ATP1A4: variants seen among roughly 807,000 people sequenced by gnomAD.
ATP1A4 encodes ATPase Na+/K+ transporting subunit alpha 4.
Under a neutral mutation model 114.3 loss-of-function variants are expected in ATP1A4, and 90 were observed. The observed-to-expected ratio is 0.79, with a 90% CI of 0.66 to 0.94. The LOEUF (loss-of-function observed/expected upper bound fraction) is 0.94, where lower values mean the gene tolerates loss of function less well. ATP1A4 is among the 40% of genes least tolerant of loss of function. ATP1A4 has a pLI of 0.00. For synonymous variants in ATP1A4, 511 were observed against 494.1 expected (o/e 1.03, Z -0.45); for missense variants, 1,222 against 1,313.6 (o/e 0.93, Z 1.08).
At chr1:160,164,473 G>A in intron 7 of ATP1A4, 49 bp downstream of exon 7, 1 of 1,594,846 alleles carries the variant, frequency 6.3e-7, no homozygotes. Flanking sequence ...AACCACCCCA[G>A]GGAAAAGGGA....
At position 160,177,456 on chromosome 1, in the gene ATP1A4, G is replaced by A. The variant is rs537800870; in HGVS notation, c.2591-63G>A. 13 of 1,585,734 alleles carry A rather than the reference G, an allele frequency of 8.2e-6. No homozygotes were observed. In the African/African-American group the frequency reaches 1.7e-4, roughly 21 times the overall value. On this transcript the variant is annotated intron_variant, in intron 17 of 21. Transcript: ENST00000368081. ...AGTCCCAGCCCCCAGCCCTCCCCTGGCCTACCTTTTGGGGCCCTTCTCTGA... is the reference window on the plus strand; with the variant it reads ...AGTCCCAGCCCCCAGCCCTCCCCTGACCTACCTTTTGGGGCCCTTCTCTGA...
chr1:160,159,379 C>T, intron 5 of ATP1A4, 30 bp from the exon 6 acceptor site: 1 of 1,577,498 alleles, frequency 6.3e-7, no homozygotes, highest in Non-Finnish European at 8.6e-7. Flanking sequence ...CCTATGCTCA[C>T]CTTACAACGC....
At chr1:160,172,464 A>T (rs61822046) in intron 12 of ATP1A4, among the ~76,000 whole-genome samples, 5,832 of 152,238 alleles carry the variant, frequency 0.038, 148 homozygotes, top group Middle Eastern at 0.092. Flanking sequence ...CAAGAGTGAA[A>T]GTTCAGCTTC....
intron 18 of ATP1A4, among the ~76,000 whole-genome samples, chr1:160,179,815 T>C (rs937505402): frequency 6.6e-6 from 1 of 152,134 alleles, no homozygotes; most frequent in South Asian, 2.1e-4. Flanking sequence ...AATAACCAAA[T>C]ATATAATATA....
intron 10 of ATP1A4, among the ~76,000 whole-genome samples, chr1:160,168,385 T>TG: frequency 6.8e-6 from 1 of 146,854 alleles, no homozygotes; most frequent in Non-Finnish European, 1.5e-5. Context: ...ATCTTTTTTT[T>TG]TTTTTTTTTT....
chr1:160,154,872 T>C (rs773518581), intron 2 of ATP1A4, among the ~76,000 whole-genome samples, 173 bp from the exon 3 acceptor site: 13 of 152,178 alleles, frequency 8.5e-5, no homozygotes, highest in Non-Finnish European at 1.9e-4. Flanking sequence ...ACATCCCTCC[T>C]CTAATGCAAA....
At chr1:160,170,741 G>A (rs1653219472) in intron 10 of ATP1A4, 1 of 151,814 alleles carries the variant, frequency 6.6e-6, no homozygotes, top group Admixed American at 6.5e-5. Context: ...ATGCCACCAT[G>A]CCCAGCTAAT....
Position 160,177,517 on chromosome 1 carries a change from A to G in ATP1A4, c.2591-2A>G. The G allele has an allele frequency of 6.2e-7, 1 of 1,613,852 alleles. No homozygotes were observed. The highest frequency in any genetic ancestry group is 8.5e-7 in the Non-Finnish European group (1 of 1,179,920). On this transcript the variant is annotated splice_acceptor_variant, in intron 17 of 21. Transcript: ENST00000368081. LOFTEE classifies it high-confidence loss of function. ...CCTGTCCTGCAACTCTGTCATTCAC[A>G]GGGATGATCCAGGCTCTGGCTGGAT...
intron 6 of ATP1A4, among the ~76,000 whole-genome samples, chr1:160,159,776 A>C (rs1652805120): frequency 6.6e-6 from 1 of 152,232 alleles, no homozygotes; most frequent in Non-Finnish European, 1.5e-5. Context: ...AATGCCCAGC[A>C]CAAGACCTAA....
At chr1:160,186,441 C>T in intron 21 of ATP1A4, 74 bp downstream of exon 21, 1 of 1,227,062 alleles carries the variant, frequency 8.1e-7, no homozygotes, top group Non-Finnish European at 1.2e-6. Context: ...CCCACCTAGT[C>T]CCTCCAGACC....
intron 11 of ATP1A4, 45 bp downstream of exon 11, chr1:160,171,485 G>A: frequency 6.2e-7 from 1 of 1,607,126 alleles, no homozygotes; most frequent in East Asian, 2.2e-5. Flanking sequence ...GCATCAAAAT[G>A]GTTATTATCC....
intron 6 of ATP1A4, among the ~76,000 whole-genome samples, chr1:160,163,951 C>T (rs1053145534): frequency 1.3e-5 from 2 of 152,108 alleles, no homozygotes; most frequent in South Asian, 4.2e-4. Flanking sequence ...TCAGACACTC[C>T]TATCACTCAA....
chr1:160,156,797 A>G (rs368869305), intron 4 of ATP1A4, among the ~76,000 whole-genome samples: 2 of 152,124 alleles, frequency 1.3e-5, no homozygotes, highest in South Asian at 4.1e-4. Context: ...AATAATAATA[A>G]TAATAAAAAG....
At chr1:160,183,351 A>G (rs1646556739) in intron 20 of ATP1A4, 2 of 152,224 alleles carry the variant, frequency 1.3e-5, no homozygotes, top group Admixed American at 6.5e-5. Context: ...GCCATTATAG[A>G]CATAATAACA....
intron 6 of ATP1A4, among the ~76,000 whole-genome samples, chr1:160,161,002 G>T (rs558508052): frequency 6.6e-6 from 1 of 152,176 alleles, no homozygotes; most frequent in Non-Finnish European, 1.5e-5. Context: ...TATATGTTCA[G>T]ATAAAGGGTA....
Position 160,176,123 on chromosome 1 carries a change from C to T in ATP1A4, c.2343C>T (p.Ser781=), listed in dbSNP as rs1653454904. Residue 781 remains serine (S), a synonymous_variant, in exon 16 of 22, where the codon TCC becomes TCT. Transcript: ENST00000368081. ...GRLIFDNLKK[S]IMYTLTSNIP... is the part of the protein sequence containing the mutation. ...TGATCTTTGACAACCTGAAGAAATC[C>T]ATCATGTACACCCTGACCAGCAACA... The T allele has an allele frequency of 1.9e-6, 3 of 1,613,990 alleles. No individual in the cohort carries two copies. The African/African-American group carries it at 4.0e-5, about 22-fold the overall frequency.
At chr1:160,166,405 GA>G in intron 7 of ATP1A4, 122 bp from the exon 8 acceptor site, 1 of 1,269,520 alleles carries the variant, frequency 7.9e-7, no homozygotes, top group Non-Finnish European at 1.1e-6. Flanking sequence ...GAGTAGGTGG[GA>G]ACAAAAGGGA....
chr1:160,177,748 GAGA>G (rs1168155518), intron 18 of ATP1A4, 84 bp downstream of exon 18: 6 of 1,500,676 alleles, frequency 4.0e-6, no homozygotes, highest in Non-Finnish European at 5.5e-6. Context: ...TTTTTTAAGA[GAGA>G]AGAAGGGAAG....
At chr1:160,164,016 A>G (rs952429292) in intron 6 of ATP1A4, 140 bp from the exon 7 acceptor site, 53 of 1,129,782 alleles carry the variant, frequency 4.7e-5, no homozygotes, top group Non-Finnish European at 6.3e-5. Flanking sequence ...AAGACCAAAT[A>G]TTAGAACAAA....
Sources: allele counts gnomAD v4.1 joint callset (sites outside exome capture counted in the v4.1 genomes callset), GRCh38; gene constraint gnomAD v4.1.1; transcripts MANE v1.5; gene names NCBI Gene and HGNC (gene_info 2026-07-23, HGNC 2026-07-21).